Variants in HSDL1 observed in about 807,000 individuals in gnomAD.
The protein encoded by HSDL1 is hydroxysteroid dehydrogenase like 1.
A neutral mutation model predicts 31.5 loss-of-function variants in HSDL1; 29 were observed. The observed-to-expected ratio is 0.92, with a 90% CI of 0.69 to 1.26. The LOEUF is 1.26. HSDL1 is among the 50% of genes most tolerant of loss of function. The pLI is 0.00. For missense variants in HSDL1, 503 were observed against 416.6 expected (o/e 1.21, Z -1.81); for synonymous variants, 222 against 155.2 (o/e 1.43, Z -3.20).
At chr16:84,127,953 T>A (rs905584905) in intron 5 of HSDL1, among the ~76,000 whole-genome samples, 1 of 149,874 alleles carries the variant, frequency 6.7e-6, no homozygotes, top group African/African-American at 2.4e-5. Flanking sequence ...TCTCCTGACC[T>A]CGTGATCCGC....
chr16:84,137,148 G>C (rs1281944149), intron 1 of HSDL1, among the ~76,000 whole-genome samples: 1 of 152,216 alleles, frequency 6.6e-6, no homozygotes, highest in African/African-American at 2.4e-5. Context: ...GTCAGAGAAA[G>C]ATAAACGGAG....
At chr16:84,140,664 G>C (rs904109311) in intron 1 of HSDL1, among the ~76,000 whole-genome samples, 1 of 152,214 alleles carries the variant, frequency 6.6e-6, no homozygotes, top group African/African-American at 2.4e-5. Context: ...AACAAAACCA[G>C]TGTCGTGGAA....
intron 2 of HSDL1, among the ~76,000 whole-genome samples, chr16:84,134,627 A>C (rs370893755): frequency 6.6e-6 from 1 of 152,122 alleles, no homozygotes; most frequent in African/African-American, 2.4e-5. Context: ...AAACCCCAAA[A>C]AACAAACAAA....
intron 5 of HSDL1, among the ~76,000 whole-genome samples, chr16:84,129,025 C>T (rs1393646273): frequency 6.6e-6 from 1 of 152,116 alleles, no homozygotes; most frequent in Non-Finnish European, 1.5e-5. Context: ...GTATATTTCA[C>T]TTTAAGGTGC....
chr16:84,138,497 G>A lies in HSDL1; in HGVS notation c.-68-2892C>T, dbSNP rs538344520. On this transcript the variant is annotated intron_variant, in intron 1 of 5. Transcript: ENST00000219439. The stretch of plus-strand genomic sequence containing the variant: ...ACCATAAAGAAATAAAAAAGTAACT[G>A]AGGTGATGAATGTGTTAACTAATTT... Among the ~76,000 whole-genome samples the A allele has an allele frequency of 1.2e-4, 19 of 152,294 alleles. No homozygotes were observed. The East Asian group carries it at 3.5e-3, about 28-fold the overall frequency.
intron 4 of HSDL1, 66 bp from the exon 5 acceptor site, chr16:84,129,841 A>C (rs2086644990): frequency 2.0e-6 from 3 of 1,473,268 alleles, no homozygotes; most frequent in Non-Finnish European, 2.8e-6. Flanking sequence ...AGGAGAAAAA[A>C]AGACTTGCTT....
intron 1 of HSDL1, among the ~76,000 whole-genome samples, chr16:84,140,598 C>T (rs1378976419): frequency 6.6e-6 from 1 of 151,948 alleles, no homozygotes; most frequent in Non-Finnish European, 1.5e-5. Flanking sequence ...GTATGTAAAA[C>T]CTATTATGCA....
intron 5 of HSDL1, among the ~76,000 whole-genome samples, chr16:84,127,163 GTAAT>G (rs1307766430): frequency 6.9e-6 from 1 of 145,224 alleles, no homozygotes; most frequent in Non-Finnish European, 1.5e-5. Context: ...CTTTTCTCAA[GTAAT>G]TAAAGGACCT....
chr16:84,131,178 G>C lies in HSDL1; in HGVS notation c.144C>G (p.Ile48Met), dbSNP rs140132616. Residue 48 changes from isoleucine to methionine, a missense_variant, in exon 3 of 6, where the codon ATC becomes ATG. Physicochemically the swap from Ile to Met is conservative, Grantham distance 10. Transcript: ENST00000219439. ...ITVICDFYSL[I>M]RLHFIPRLGS... ...CCAGGCGGGGGATAAAATGCAGCCT[G>C]ATCAGGCTGTAAAAGTCACAGATGA... 3.1e-6 allele frequency: 5 copies of C among 1,614,202 alleles called. No individual in the cohort carries two copies. The highest frequency in any genetic ancestry group is 4.2e-6 in the Non-Finnish European group (5 of 1,180,036).
chr16:84,133,855 T>C (rs1297946153), intron 2 of HSDL1, among the ~76,000 whole-genome samples: 2 of 152,106 alleles, frequency 1.3e-5, no homozygotes, highest in African/African-American at 2.4e-5. Context: ...ATGCCAAAGT[T>C]CATCATGAAA....
At chr16:84,143,419 G>A (rs1169696644) in intron 1 of HSDL1, among the ~76,000 whole-genome samples, 1 of 152,136 alleles carries the variant, frequency 6.6e-6, no homozygotes, top group Admixed American at 6.5e-5. Flanking sequence ...AGAGACAGAA[G>A]ATAACTTAGG....
intron 1 of HSDL1, 36 bp from the exon 2 acceptor site, chr16:84,135,641 C>T (rs1299349590): frequency 1.3e-5 from 2 of 152,240 alleles, no homozygotes; most frequent in African/African-American, 2.4e-5. Context: ...AATGCCTTTC[C>T]TCTTCCTCAT....
Position 84,129,968 on chromosome 16 carries a change from C to T in HSDL1, c.666+18G>A. The stretch of plus-strand genomic sequence containing the variant: ...TCTGTGGCATTAGGATTTCATCTTC[C>T]AGTAAGTAACATCTGACCTTAGAAG... On this transcript the variant is annotated intron_variant, in intron 4 of 5. Transcript: ENST00000219439. 1.2e-6 allele frequency: 2 copies of T among 1,601,388 alleles called. No homozygotes were observed. Among genetic ancestry groups the T allele is most frequent in the South Asian group, 1.1e-5 (1 of 89,356 alleles).
intron 5 of HSDL1, among the ~76,000 whole-genome samples, chr16:84,126,884 G>A (rs2086612796): frequency 6.6e-6 from 1 of 152,126 alleles, no homozygotes; most frequent in Admixed American, 6.5e-5. Context: ...AAAATAATTT[G>A]AGTAACATAA....
At chr16:84,138,410 T>C (rs1299818067) in intron 1 of HSDL1, among the ~76,000 whole-genome samples, 10 of 152,166 alleles carry the variant, frequency 6.6e-5, no homozygotes, top group Admixed American at 4.6e-4. Flanking sequence ...ACAGTGACCA[T>C]AGTGAGCAAT....
intron 1 of HSDL1, among the ~76,000 whole-genome samples, chr16:84,143,906 G>C (rs1323654734): frequency 1.3e-5 from 2 of 152,086 alleles, no homozygotes; most frequent in East Asian, 3.9e-4. Flanking sequence ...GGAAGGCTGA[G>C]GCAGGAGAAT....
chr16:84,142,580 C>T (rs370406939), intron 1 of HSDL1, among the ~76,000 whole-genome samples: 16 of 151,830 alleles, frequency 1.1e-4, no homozygotes, highest in African/African-American at 2.4e-4. Context: ...GGACTACAGG[C>T]GTGTGCCACC....
chr16:84,140,528 G>C (rs757998260), intron 1 of HSDL1, among the ~76,000 whole-genome samples: 2 of 152,116 alleles, frequency 1.3e-5, no homozygotes, highest in African/African-American at 4.8e-5. Context: ...GCCTCCCAAA[G>C]TGCTGGGATT....
chr16:84,128,027 C>T lies in HSDL1; in HGVS notation c.894+1521G>A, dbSNP rs573029340. Among the ~76,000 whole-genome samples, 6 of 149,100 alleles carry T rather than the reference C, an allele frequency of 4.0e-5. No homozygotes were observed. In the South Asian group the frequency reaches 8.9e-4, roughly 22 times the overall value. ...AGCCACCACGCCCTGCCAGCTCACG[C>T]TTGTAAATCCCAGCACTTTGGGAGG... On this transcript the variant is annotated intron_variant, in intron 5 of 5. Coordinates refer to ENST00000219439, the MANE Select transcript of HSDL1 (RefSeq NM_031463.5).
Sources: allele counts gnomAD v4.1 joint callset (sites outside exome capture counted in the v4.1 genomes callset), GRCh38; gene constraint gnomAD v4.1.1; transcripts MANE v1.5; gene names NCBI Gene and HGNC (gene_info 2026-07-23, HGNC 2026-07-21).